The following PPIP5K2 variants were observed in gnomAD, a reference collection of about 807,000 sequenced individuals.
PPIP5K2 encodes the protein inositol hexakisphosphate and diphosphoinositol-pentakisphosphate kinase 2.
Under a neutral mutation model 154.6 loss-of-function variants are expected in PPIP5K2, and 105 were observed. The observed-to-expected ratio is 0.68, with a 90% CI of 0.58 to 0.80. PPIP5K2 has a LOEUF of 0.80. Ranked by LOEUF, PPIP5K2 falls within the 30% of genes least tolerant of loss-of-function variation. PPIP5K2 has a pLI of 0.00. For synonymous variants in PPIP5K2, 480 were observed against 490.3 expected, an observed-to-expected ratio of 0.98 and a Z score of 0.28; for missense variants, 992 against 1,504.6, an observed-to-expected ratio of 0.66 and a Z score of 5.64.
chr5:103,148,735 ACTTTT>A (rs1353238125), intron 7 of PPIP5K2, among the ~76,000 whole-genome samples: 1 of 151,898 alleles, frequency 6.6e-6, no homozygotes, highest in African/African-American at 2.4e-5. Context: ...TCTTTCCTTT[ACTTTT>A]CTTCTCTTAC....
At chr5:103,169,634 T>C (rs1797659407) in intron 19 of PPIP5K2, among the ~76,000 whole-genome samples, 1 of 151,758 alleles carries the variant, frequency 6.6e-6, no homozygotes, top group Non-Finnish European at 1.5e-5. Flanking sequence ...ATTGTATGAA[T>C]CTGTGATTTT....
chr5:103,184,417 C>T (rs1800032969), intron 25 of PPIP5K2: 1 of 291,798 alleles, frequency 3.4e-6, no homozygotes, highest in Non-Finnish European at 6.4e-6. Flanking sequence ...TTAATTGCTT[C>T]TTTTCATCTG....
In PPIP5K2 at chr5:103,137,202, G is replaced by A. The variant is rs187685904; in HGVS notation, c.401+380G>A. Among the ~76,000 whole-genome samples the A allele has an allele frequency of 1.4e-3, 198 of 144,002 alleles. 1 individual carries two copies. Among genetic ancestry groups the A allele is most frequent in the Admixed American group, 2.1e-3 (29 of 13,702 alleles). 94.5% of individuals were successfully genotyped at this position (144,002 alleles called of 152,430 possible). On this transcript the variant is annotated intron_variant, in intron 4 of 30. Coordinates refer to ENST00000358359, the MANE Select transcript of PPIP5K2 (RefSeq NM_001276277.3). ...TTTTGAGATGGAGTCTGGCTCTGTC[G>A]CCCAGTCTGGAGTGCAGTGGCGGGA...
chr5:103,159,566 T>C (rs1795910390), intron 17 of PPIP5K2, among the ~76,000 whole-genome samples: 1 of 152,180 alleles, frequency 6.6e-6, no homozygotes, highest in Non-Finnish European at 1.5e-5. Flanking sequence ...ATTCTTTTCA[T>C]ATCCAGAATA....
chr5:103,157,113 G>A (rs896506310), intron 14 of PPIP5K2, among the ~76,000 whole-genome samples: 3 of 152,108 alleles, frequency 2.0e-5, no homozygotes, highest in Middle Eastern at 3.2e-3. Flanking sequence ...CCGCTAACTT[G>A]CTGCAGGGGA....
chr5:103,141,385 C>T (rs958269239), intron 5 of PPIP5K2, among the ~76,000 whole-genome samples: 2 of 151,676 alleles, frequency 1.3e-5, no homozygotes, highest in Admixed American at 1.3e-4. Flanking sequence ...CTTAAGGTAG[C>T]GCGTCTGGAG....
At chr5:103,199,266 G>C (rs1554229531) in intron 30 of PPIP5K2, among the ~76,000 whole-genome samples, 1 of 152,060 alleles carries the variant, frequency 6.6e-6, no homozygotes, top group East Asian at 1.9e-4. Context: ...TGAAGTCTGT[G>C]TTTCCATCTG....
At chr5:103,191,186 T>C (rs1801174218) in intron 29 of PPIP5K2, 1 of 404,878 alleles carries the variant, frequency 2.5e-6, no homozygotes, top group South Asian at 1.1e-4. Context: ...TCTTTTCTTC[T>C]TACCAAAAAA....
intron 14 of PPIP5K2, among the ~76,000 whole-genome samples, chr5:103,156,660 T>G (rs1253277126): frequency 6.6e-6 from 1 of 152,180 alleles, no homozygotes; most frequent in African/African-American, 2.4e-5. Context: ...CTGATGAGAA[T>G]TCATTGAGAC....
At chr5:103,128,282 G>A (rs1205265444) in intron 1 of PPIP5K2, among the ~76,000 whole-genome samples, 2 of 152,076 alleles carry the variant, frequency 1.3e-5, no homozygotes, top group African/African-American at 4.8e-5. Context: ...CATTTGTTAT[G>A]TAGTTTCATC....
intron 14 of PPIP5K2, among the ~76,000 whole-genome samples, 165 bp from the exon 15 acceptor site, chr5:103,158,023 A>G (rs568982145): frequency 2.0e-5 from 3 of 152,362 alleles, no homozygotes; most frequent in East Asian, 3.9e-4. Context: ...GCAACTGCCT[A>G]CAAACGGCAT....
chr5:103,127,844 G>A (rs1554201257), intron 1 of PPIP5K2, among the ~76,000 whole-genome samples: 1 of 151,994 alleles, frequency 6.6e-6, no homozygotes, highest in African/African-American at 2.4e-5. Flanking sequence ...AAAATTGAAA[G>A]AAACCAAGAG....
intron 28 of PPIP5K2, chr5:103,189,273 A>G (rs1394617874): frequency 1.5e-6 from 2 of 1,376,024 alleles, no homozygotes. Context: ...GGCTTTTTAA[A>G]TTGCTGCGCT....
chr5:103,178,966 A>G (rs957538843), intron 23 of PPIP5K2, among the ~76,000 whole-genome samples: 18 of 152,022 alleles, frequency 1.2e-4, no homozygotes, highest in Middle Eastern at 3.5e-3. Context: ...ATTAAATTTT[A>G]ACTCAGTTTT....
Position 103,149,317 on chromosome 5 carries a change from A to G in PPIP5K2, c.906+4A>G, listed in dbSNP as rs146187820. ...GAAAGTCTGCCTTGCTTTTAAGGTA[A>G]GATGTTATACAGGCCTATAGATCCT... On this transcript the variant is annotated splice_donor_region_variant and intron_variant, in intron 8 of 30. Coordinates refer to ENST00000358359, the MANE Select transcript of PPIP5K2 (RefSeq NM_001276277.3). 1 of 1,612,624 alleles carries G rather than the reference A, an allele frequency of 6.2e-7. No individual in the cohort carries two copies. The highest frequency in any genetic ancestry group is 8.5e-7 in the Non-Finnish European group (1 of 1,179,112).
At chr5:103,190,163 A>T (rs1801000548) in intron 28 of PPIP5K2, among the ~76,000 whole-genome samples, 2 of 151,988 alleles carry the variant, frequency 1.3e-5, no homozygotes, top group South Asian at 4.1e-4. Context: ...TTGTTTCATA[A>T]AATTTTCGTA....
intron 1 of PPIP5K2, among the ~76,000 whole-genome samples, chr5:103,125,956 G>C (rs1381607112): frequency 6.6e-6 from 1 of 152,102 alleles, no homozygotes; most frequent in Non-Finnish European, 1.5e-5. Context: ...AGTCCTTTGT[G>C]TGCATCTTAG....
intron 3 of PPIP5K2, among the ~76,000 whole-genome samples, chr5:103,135,138 G>A (rs1219285103): frequency 1.3e-5 from 2 of 151,930 alleles, no homozygotes; most frequent in Non-Finnish European, 2.9e-5. Flanking sequence ...TTAAAATATT[G>A]CCTCTTAAGG....
chr5:103,145,045 C>A (rs1436364445), intron 5 of PPIP5K2, among the ~76,000 whole-genome samples: 1 of 151,844 alleles, frequency 6.6e-6, no homozygotes, highest in African/African-American at 2.4e-5. Flanking sequence ...ATATAAGAAG[C>A]TCAAACAGCT....
Sources: allele counts gnomAD v4.1 joint callset (sites outside exome capture counted in the v4.1 genomes callset), GRCh38; gene constraint gnomAD v4.1.1; transcripts MANE v1.5; gene names NCBI Gene and HGNC (gene_info 2026-07-23, HGNC 2026-07-21).